The following LTAP1 variants were observed in gnomAD, a reference collection of about 807,000 sequenced individuals.
LTAP1 encodes HCV NS5A-transactivated protein 4.
At chr1:154,219,571 TACAA>T in the LTAP1 span, among the ~76,000 whole-genome samples, 1 of 152,192 alleles carries the variant, frequency 6.6e-6, no homozygotes, top group African/African-American at 2.4e-5. Context: ...AATATTTTAC[TACAA>T]ACAGTTGGGA....
the LTAP1 span, among the ~76,000 whole-genome samples, chr1:154,215,537 G>C: frequency 1.3e-5 from 2 of 149,182 alleles, no homozygotes; most frequent in Admixed American, 6.7e-5. Flanking sequence ...CTGCACTCCA[G>C]CCTGCGTGAC....
At chr1:154,212,603 C>T in the LTAP1 span, 3 of 1,614,074 alleles carry the variant, frequency 1.9e-6, no homozygotes, top group Admixed American at 5.0e-5. Flanking sequence ...GGGATGCCGG[C>T]CTTCAGAATG....
the LTAP1 span, among the ~76,000 whole-genome samples, chr1:154,212,978 T>G: frequency 6.6e-6 from 1 of 152,104 alleles, no homozygotes; most frequent in Non-Finnish European, 1.5e-5. Flanking sequence ...TGCCCCATTC[T>G]TTAGTCTTTC....
At chr1:154,207,442 C>T in the LTAP1 span, 1 of 1,613,668 alleles carries the variant, frequency 6.2e-7, no homozygotes. Flanking sequence ...GGCAAGAGTC[C>T]TTCAGCTCCG....
At chr1:154,215,437 G>C in the LTAP1 span, among the ~76,000 whole-genome samples, 1 of 151,710 alleles carries the variant, frequency 6.6e-6, no homozygotes, top group Non-Finnish European at 1.5e-5. Context: ...GTTGTGGCGG[G>C]GTCCTGTAGT....
chr1:154,213,983 A>C, the LTAP1 span: 1 of 1,592,880 alleles, frequency 6.3e-7, no homozygotes, highest in South Asian at 1.1e-5. Flanking sequence ...CATAACCCTA[A>C]AAATATTCCC....
the LTAP1 span, chr1:154,212,124 T>G: frequency 3.2e-6 from 2 of 616,564 alleles, no homozygotes; most frequent in Non-Finnish European, 5.7e-6. Flanking sequence ...CCCAAAGTGC[T>G]GGGATTATAG....
the LTAP1 span, chr1:154,213,123 A>T: frequency 0.028 from 4,367 of 155,716 alleles, 204 homozygotes; most frequent in African/African-American, 0.097. Context: ...CCTGGCCAAC[A>T]TGGTGAAAAC....
chr1:154,220,283 A>T, the LTAP1 span: 2 of 1,594,962 alleles, frequency 1.3e-6, no homozygotes, highest in South Asian at 1.1e-5. Flanking sequence ...ACAGCTCAAA[A>T]GGAGGGTCTC....
the LTAP1 span, chr1:154,220,475 G>A: frequency 6.3e-7 from 1 of 1,593,968 alleles, no homozygotes; most frequent in Non-Finnish European, 8.6e-7. Flanking sequence ...CCCAGGCTCC[G>A]CCGAAGCGAC....
At chr1:154,207,571 G>A in the LTAP1 span, 1 of 1,614,140 alleles carries the variant, frequency 6.2e-7, no homozygotes, top group South Asian at 1.1e-5. Context: ...GGTTGTTGGG[G>A]AGACCTCAGG....
At chr1:154,207,337 G>C in the LTAP1 span, 5 of 908,800 alleles carry the variant, frequency 5.5e-6, no homozygotes, top group African/African-American at 8.5e-5. Context: ...ACGGGAACTT[G>C]GATGGATACA....
chr1:154,209,137 T>C, the LTAP1 span, among the ~76,000 whole-genome samples: 2 of 151,950 alleles, frequency 1.3e-5, no homozygotes, highest in African/African-American at 4.8e-5. Context: ...GGTTCAGTAG[T>C]GTTAAGTATA....
At chr1:154,220,170 G>A in the LTAP1 span, 3 of 855,082 alleles carry the variant, frequency 3.5e-6, no homozygotes, top group African/African-American at 1.7e-5. Context: ...ACTAACGAGG[G>A]CGGGTCGGCC....
chr1:154,209,046 C>A, the LTAP1 span, among the ~76,000 whole-genome samples: 6 of 152,112 alleles, frequency 3.9e-5, no homozygotes, highest in Non-Finnish European at 8.8e-5. Flanking sequence ...CCATGCCTGG[C>A]CTTCAGAAAT....
chr1:154,207,862 A>G, the LTAP1 span, among the ~76,000 whole-genome samples: 1 of 152,214 alleles, frequency 6.6e-6, no homozygotes, highest in African/African-American at 2.4e-5. Context: ...GCACTTTGGG[A>G]GGCCCAGGCA....
At chr1:154,212,443 A>G in the LTAP1 span, 2 of 1,614,108 alleles carry the variant, frequency 1.2e-6, no homozygotes, top group South Asian at 2.2e-5. Flanking sequence ...TGCCCCGAAG[A>G]AAAAACTGGC....
chr1:154,220,138 A>C, the LTAP1 span: 1 of 734,682 alleles, frequency 1.4e-6, no homozygotes, highest in Admixed American at 2.6e-5. Context: ...TCTGTGCTCT[A>C]GCGTTAAAGG....
chr1:154,211,919 C>T, the LTAP1 span: 132 of 175,566 alleles, frequency 7.5e-4, no homozygotes, highest in African/African-American at 3.0e-3. Flanking sequence ...TATAATGGCA[C>T]GATCTTGGCT....
Sources: allele counts gnomAD v4.1 joint callset (sites outside exome capture counted in the v4.1 genomes callset), GRCh38; gene constraint gnomAD v4.1.1; transcripts MANE v1.5; gene names NCBI Gene and HGNC (gene_info 2026-07-23, HGNC 2026-07-21).